PSG9: variants seen among roughly 807,000 people sequenced by gnomAD.
PSG9 encodes pregnancy-specific beta-1-glycoprotein 9.
Under a neutral mutation model 41.9 loss-of-function variants are expected in PSG9, and 49 were observed. That is an observed-to-expected ratio of 1.17 (90% confidence interval 0.93 to 1.48). The LOEUF is 1.48. Ranked by LOEUF, PSG9 falls within the 40% of genes most tolerant of loss-of-function variation. The probability of loss-of-function intolerance (pLI) is 0.00; values close to 1 mark genes in which losing one functional copy is unlikely to be tolerated. For missense variants in PSG9, 641 were observed against 520.3 expected (o/e 1.23, Z -2.26); for synonymous variants, 263 against 196.8 (o/e 1.34, Z -2.82).
rs572807427 is a variant in PSG9 at position 43,253,568 on chromosome 19, G to T, written c.*41C>A. The T allele has an allele frequency of 4.2e-6, 3 of 708,838 alleles. 1 individual carries two copies. The South Asian group carries it at 4.7e-5, about 11-fold the overall frequency. 43.9% of individuals were successfully genotyped at this position (708,838 alleles called of 1,614,324 possible). On this transcript the variant is annotated 3_prime_UTR_variant, in exon 6 of 6. Coordinates refer to ENST00000270077, the MANE Select transcript of PSG9 (RefSeq NM_002784.5). ...CTTCTTTGTCTTGAATTTCATGAAG[G>T]TATCAGCCTGTTCTTTTTCTCAGTG...
At chr19:43,268,193 T>A (rs1455094274) in intron 1 of PSG9, 44 bp from the exon 2 acceptor site, 1 of 1,541,404 alleles carries the variant, frequency 6.5e-7, no homozygotes, top group Admixed American at 2.0e-5. Context: ...GACCTATGTA[T>A]TGTGGTGAAA....
chr19:43,261,821 G>T (rs776538676), intron 3 of PSG9, 39 bp downstream of exon 3: 1 of 1,614,050 alleles, frequency 6.2e-7, no homozygotes, highest in Non-Finnish European at 8.5e-7. Flanking sequence ...GTGTATTTGG[G>T]ATGGCAGCCT....
rs773040264 is a variant in PSG9, at chr19:43,268,148, T to G, written c.66A>C (p.Ala22=). The G allele has an allele frequency of 5.6e-6, 9 of 1,599,336 alleles. 1 individual carries two copies. Among genetic ancestry groups the G allele is most frequent in the Middle Eastern group, 1.7e-4 (1 of 5,984 alleles). The change falls in exon 2 of 6, where the codon GCA becomes GCC. Residue 22 remains alanine, a splice_region_variant and synonymous_variant. Coordinates refer to ENST00000270077, the MANE Select transcript of PSG9 (RefSeq NM_002784.5). ...RITWKGLLLT[A]SLLNFWNPPT... Reference sequence around the variant, plus strand: ...GCGGGTTCCAGAAGTTTAAAAGTGATGCTAGGAGGGGGAGACAGCATCAGT... The same window carrying G: ...GCGGGTTCCAGAAGTTTAAAAGTGAGGCTAGGAGGGGGAGACAGCATCAGT...
At chr19:43,256,855 T>A (rs1448481843) in intron 5 of PSG9, among the ~76,000 whole-genome samples, 2 of 146,732 alleles carry the variant, frequency 1.4e-5, no homozygotes, top group South Asian at 2.2e-4. Context: ...CTTCTGGACA[T>A]ACTCCCCATA....
At chr19:43,261,239 G>T (rs1178512784) in intron 3 of PSG9, among the ~76,000 whole-genome samples, 12 of 151,492 alleles carry the variant, frequency 7.9e-5, no homozygotes, top group African/African-American at 2.9e-4. Flanking sequence ...TATGAGATTT[G>T]TTCCACCAGT....
chr19:43,262,068 T>G lies in PSG9; in HGVS notation c.501A>C (p.Leu167Phe). ...NPREAMEAVR[L>F]ICDPETLDAS... ...CGTCCAGAGTCTCAGGATCACAGAT[T>G]AAGCGCACAGCCTCCATGGCCTCCC... The change falls in exon 3 of 6, where the codon TTA (leucine) becomes TTC (phenylalanine). Residue 167 changes from leucine to phenylalanine, a missense_variant. By Grantham distance (22) the Leu-to-Phe change is conservative. Coordinates refer to ENST00000270077, the MANE Select transcript of PSG9 (RefSeq NM_002784.5). 1 of 1,613,966 alleles carries G rather than the reference T, an allele frequency of 6.2e-7. No homozygotes were observed. Among genetic ancestry groups the G allele is most frequent in the South Asian group, 1.1e-5 (1 of 91,064 alleles).
chr19:43,260,342 A>G (rs1968652186), intron 3 of PSG9: 1 of 146,672 alleles, frequency 6.8e-6, no homozygotes, highest in Non-Finnish European at 1.5e-5. Context: ...GATTTCTGAC[A>G]TTTTTTTATT....
intron 2 of PSG9, among the ~76,000 whole-genome samples, chr19:43,266,131 G>A (rs183308526): frequency 0.017 from 2,523 of 151,886 alleles, 48 homozygotes; most frequent in Non-Finnish European, 0.025. Context: ...ATGGCAGTGA[G>A]CAGTGAGGGA....
At chr19:43,264,825 A>T (rs1410616193) in intron 2 of PSG9, among the ~76,000 whole-genome samples, 4 of 152,206 alleles carry the variant, frequency 2.6e-5, no homozygotes, top group Non-Finnish European at 4.4e-5. Flanking sequence ...GAACTGAGTG[A>T]CAAATTCCAA....
In PSG9 at chr19:43,259,008, G is replaced by C. The variant is rs766894503; in HGVS notation, c.837C>G (p.Ser279Arg). ...GCTTTACCCCGGGACTGACGGGGAG[G>C]CTCTGACCGTTTAGCCACCAAATGT... ...YTYIWWLNGQ[S>R]LPVSPGVKRP... Residue 279 changes from serine (S) to arginine (R), a missense_variant, in exon 4 of 6, where the codon AGC becomes AGG. Coordinates refer to ENST00000270077, the MANE Select transcript of PSG9 (RefSeq NM_002784.5). 6.3e-7 allele frequency: 1 copy of C among 1,590,760 alleles called. No homozygotes were observed.
chr19:43,269,045 C>A (rs1198689403), intron 1 of PSG9, among the ~76,000 whole-genome samples: 1 of 151,940 alleles, frequency 6.6e-6, no homozygotes, highest in Non-Finnish European at 1.5e-5. Flanking sequence ...CGTACTGTCG[C>A]CCAGGCTGGC....
At position 43,268,002 on chromosome 19, in the gene PSG9, TC is replaced by T; in HGVS notation, c.211del (p.Glu71LysfsTer2). On this transcript the variant is annotated frameshift_variant, in exon 2 of 6. Transcript: ENST00000270077. LOFTEE classifies it high-confidence loss of function. Reference protein sequence around the residue: ...NLPGYFWYKGEMTDLYHYIIS... With the variant: ...NLPGYFWYKGXMTDLYHYIIS... The stretch of plus-strand genomic sequence containing the variant: ...AATGTAATGGTAGAGGTCCGTCATT[TC>T]CCCTTTGTACCAGAAGTAGCCAGGA... 1 of 1,613,876 alleles carries T rather than the reference TC, an allele frequency of 6.2e-7. No individual in the cohort carries two copies. The highest frequency in any genetic ancestry group is 8.5e-7 in the Non-Finnish European group (1 of 1,179,882).
At chr19:43,264,220 T>A (rs182533757) in intron 2 of PSG9, among the ~76,000 whole-genome samples, 1 of 152,128 alleles carries the variant, frequency 6.6e-6, no homozygotes, top group Non-Finnish European at 1.5e-5. Context: ...ATTCCCATTA[T>A]GTGTATGTTA....
rs184658916 is a variant in PSG9, at chr19:43,258,377, C to G, written c.1068G>C (p.Thr356=). Residue 356 remains threonine (T), a synonymous_variant, in exon 5 of 6, where the codon ACG becomes ACC. Coordinates refer to ENST00000270077, the MANE Select transcript of PSG9 (RefSeq NM_002784.5). ...SGENLDLSCF[T]ESNPPAEYFW... Reference sequence around the variant, plus strand: ...AATACTCTGCCGGTGGGTTAGATTCCGTGAAGCAGGACAAGTCGAGGTTTT... The same window carrying G: ...AATACTCTGCCGGTGGGTTAGATTCGGTGAAGCAGGACAAGTCGAGGTTTT... 1.1e-5 allele frequency: 18 copies of G among 1,592,692 alleles called. 2 individuals carry two copies. The highest frequency in any genetic ancestry group is 8.5e-7 in the Non-Finnish European group (1 of 1,174,474).
chr19:43,266,507 C>G (rs1266408884), intron 2 of PSG9, among the ~76,000 whole-genome samples: 1 of 152,016 alleles, frequency 6.6e-6, no homozygotes. Context: ...CTCCTTGATC[C>G]TCTCATGACA....
chr19:43,254,893 G>C (rs1484996005), intron 5 of PSG9, among the ~76,000 whole-genome samples: 1 of 143,488 alleles, frequency 7.0e-6, no homozygotes, highest in Non-Finnish European at 1.5e-5. Context: ...GTTTGGACCA[G>C]CATAGGTAAC....
chr19:43,263,107 T>C (rs1968803508), intron 2 of PSG9, among the ~76,000 whole-genome samples: 1 of 152,178 alleles, frequency 6.6e-6, no homozygotes, highest in Non-Finnish European at 1.5e-5. Context: ...CTGTCTGATC[T>C]GAGTTTGACT....
chr19:43,256,285 C>T lies in PSG9; in HGVS notation c.1243+1917G>A, dbSNP rs1371905944. Reference sequence around the variant, plus strand: ...AAAAGCTTCATGATACTGGATTTCCCAATGATTTCTTGGTTGTAACAACAA... The same window carrying T: ...AAAAGCTTCATGATACTGGATTTCCTAATGATTTCTTGGTTGTAACAACAA... On this transcript the variant is annotated intron_variant, in intron 5 of 5. Transcript: ENST00000270077. 2.0e-5 allele frequency among the ~76,000 whole-genome samples: 3 copies of T among 146,610 alleles called. 1 individual carries two copies. Among genetic ancestry groups the T allele is most frequent in the African/African-American group, 7.8e-5 (3 of 38,622 alleles).
intron 1 of PSG9, among the ~76,000 whole-genome samples, chr19:43,269,036 G>A (rs1188625572): frequency 4.0e-5 from 6 of 151,560 alleles, no homozygotes; most frequent in South Asian, 2.1e-4. Flanking sequence ...ACGGAGTCTC[G>A]TACTGTCGCC....
Sources: allele counts gnomAD v4.1 joint callset (sites outside exome capture counted in the v4.1 genomes callset), GRCh38; gene constraint gnomAD v4.1.1; transcripts MANE v1.5; gene names NCBI Gene and HGNC (gene_info 2026-07-23, HGNC 2026-07-21).